Variants in KCNH5 observed in about 807,000 individuals in gnomAD.
KCNH5 encodes the protein voltage-gated delayed rectifier potassium channel KCNH5.
A neutral mutation model predicts 96.1 loss-of-function variants in KCNH5; 46 were observed. The observed-to-expected ratio is 0.48, with a 90% CI of 0.38 to 0.61. The LOEUF is 0.61. Among genes scored for constraint, KCNH5 ranks in the 20% least tolerant of loss-of-function variants. The probability of loss-of-function intolerance (pLI) is 0.00; values close to 1 mark genes in which losing one functional copy is unlikely to be tolerated. For synonymous variants in KCNH5, 439 were observed against 449.8 expected, an observed-to-expected ratio of 0.98 and a Z score of 0.30; for missense variants, 907 against 1,225.8, an observed-to-expected ratio of 0.74 and a Z score of 3.88.
intron 7 of KCNH5, among the ~76,000 whole-genome samples, chr14:62,922,987 TAA>T (rs1358598275): frequency 1.3e-5 from 2 of 151,832 alleles, no homozygotes; most frequent in African/African-American, 2.4e-5. Context: ...AAGGAAACAG[TAA>T]AAGTGTCTCT....
intron 5 of KCNH5, among the ~76,000 whole-genome samples, chr14:62,984,450 T>C (rs899839319): frequency 1.7e-4 from 26 of 152,202 alleles, no homozygotes; most frequent in African/African-American, 6.3e-4. Context: ...TTTATCTGTC[T>C]TTGAAAAAGT....
intron 10 of KCNH5, among the ~76,000 whole-genome samples, chr14:62,736,454 C>T (rs1254481102): frequency 1.3e-5 from 2 of 152,024 alleles, no homozygotes; most frequent in African/African-American, 4.8e-5. Flanking sequence ...CTAAGGTCAG[C>T]ATGACCATAA....
chr14:62,925,730 C>T (rs1889462701), intron 7 of KCNH5, among the ~76,000 whole-genome samples: 1 of 152,028 alleles, frequency 6.6e-6, no homozygotes, highest in Non-Finnish European at 1.5e-5. Context: ...CATAAGACCA[C>T]AATAAAGCTT....
At chr14:62,983,680 C>A (rs1191293540) in intron 5 of KCNH5, among the ~76,000 whole-genome samples, 2 of 152,090 alleles carry the variant, frequency 1.3e-5, no homozygotes, top group Admixed American at 6.6e-5. Context: ...AGTCTTAAAC[C>A]TGGCTATATA....
At chr14:62,765,159 T>A (rs994432581) in intron 10 of KCNH5, among the ~76,000 whole-genome samples, 20 of 152,170 alleles carry the variant, frequency 1.3e-4, no homozygotes, top group African/African-American at 4.6e-4. Context: ...AGCATTGTAC[T>A]GGTACAAAAA....
At chr14:62,914,390 TAAATA>T (rs575666281) in intron 7 of KCNH5, among the ~76,000 whole-genome samples, 15 of 152,224 alleles carry the variant, frequency 9.9e-5, no homozygotes, top group Non-Finnish European at 1.5e-4. Flanking sequence ...CAGAATAAAT[TAAATA>T]AAACTGTACT....
intron 7 of KCNH5, among the ~76,000 whole-genome samples, chr14:62,899,796 T>A (rs950789990): frequency 1.3e-5 from 2 of 148,318 alleles, no homozygotes; most frequent in Non-Finnish European, 3.0e-5. Context: ...ATCCCGCCAC[T>A]GCACTCCAGC....
At chr14:62,781,582 G>A (rs36107257) in intron 9 of KCNH5, among the ~76,000 whole-genome samples, 12,242 of 152,156 alleles carry the variant, frequency 0.08, 585 homozygotes, top group Non-Finnish European at 0.11. Context: ...CGCCAGGTGC[G>A]CATTCTCTTT....
intron 7 of KCNH5, among the ~76,000 whole-genome samples, chr14:62,901,846 C>G (rs1034762162): frequency 4.6e-5 from 7 of 152,198 alleles, no homozygotes; most frequent in Non-Finnish European, 8.8e-5. Flanking sequence ...TTCCAATCAA[C>G]AATGTATATG....
chr14:62,911,105 A>G (rs530730583), intron 7 of KCNH5, among the ~76,000 whole-genome samples: 5 of 152,260 alleles, frequency 3.3e-5, no homozygotes, highest in South Asian at 4.1e-4. Context: ...TAACACCTAG[A>G]ACAGTACTCT....
rs558911843 is a variant in KCNH5, at chr14:62,700,134, G to A, written c.*7374C>T. ...TGTAGTATACAAAATGCCACAACTA[G>A]TGTAAACAAAGTCACTAGAACATAG... On this transcript the variant is annotated 3_prime_UTR_variant, in exon 11 of 11. Coordinates refer to ENST00000322893, the MANE Select transcript of KCNH5 (RefSeq NM_139318.5). 2 of 152,290 alleles carry A rather than the reference G, an allele frequency of 1.3e-5. No homozygotes were observed. The highest frequency in any genetic ancestry group is 4.8e-5 in the African/African-American group (2 of 41,570). 9.4% of individuals were successfully genotyped at this position (152,290 alleles called of 1,614,324 possible). A position where few individuals can be genotyped will look rare whatever the true frequency, so the allele number is the denominator to read the frequency against.
At chr14:62,859,664 C>G (rs937491782) in intron 7 of KCNH5, among the ~76,000 whole-genome samples, 3 of 152,198 alleles carry the variant, frequency 2.0e-5, no homozygotes, top group African/African-American at 7.2e-5. Flanking sequence ...GCGCATCTGG[C>G]CATTTCTCCT....
At chr14:62,972,890 T>C (rs1366264730) in intron 6 of KCNH5, among the ~76,000 whole-genome samples, 1 of 152,196 alleles carries the variant, frequency 6.6e-6, no homozygotes, top group East Asian at 1.9e-4. Context: ...GAAAAAAATT[T>C]TAAGACAGTA....
intron 7 of KCNH5, among the ~76,000 whole-genome samples, chr14:62,909,172 A>C (rs1364820220): frequency 1.4e-5 from 2 of 146,702 alleles, no homozygotes; most frequent in African/African-American, 2.5e-5. Context: ...CAGCCTCCCA[A>C]GTAGCTGGGA....
At position 62,987,120 on chromosome 14, in the gene KCNH5, C is replaced by T. The variant is rs200714977; in HGVS notation, c.501G>A (p.Thr167=). The T allele has an allele frequency of 6.2e-5, 100 of 1,613,544 alleles. No individual in the cohort carries two copies. In the Admixed American group the frequency reaches 7.3e-4, roughly 12 times the overall value. ...TNSRSVLQQL[T]PMNKTEVVHK... ...GGACCACCTCTGTTTTATTCATTGG[C>T]GTGAGCTGCTGCAAAACACTTCGGC... The change falls in exon 5 of 11, where the codon ACG becomes ACA. Residue 167 remains threonine (T), a synonymous_variant. Transcript: ENST00000322893.
At chr14:62,826,408 ATGTGTGTGTG>A (rs71451280) in intron 8 of KCNH5, among the ~76,000 whole-genome samples, 20 of 141,984 alleles carry the variant, frequency 1.4e-4, no homozygotes, top group African/African-American at 5.0e-4. Flanking sequence ...GCGTGCGTGC[ATGTGTGTGTG>A]TGTGTGTGTG....
chr14:62,771,113 A>T (rs1885976667), intron 10 of KCNH5, among the ~76,000 whole-genome samples: 1 of 151,524 alleles, frequency 6.6e-6, no homozygotes, highest in African/African-American at 2.4e-5. Context: ...GTGGCAACCC[A>T]AGGAGAGAAA....
intron 10 of KCNH5, among the ~76,000 whole-genome samples, chr14:62,741,533 C>T (rs1885271058): frequency 2.0e-5 from 3 of 151,974 alleles, no homozygotes; most frequent in Admixed American, 1.3e-4. Flanking sequence ...CAGTGGCTGA[C>T]GTTTGGTCCC....
intron 10 of KCNH5, among the ~76,000 whole-genome samples, chr14:62,735,881 G>A (rs1438559242): frequency 6.6e-6 from 1 of 152,218 alleles, no homozygotes; most frequent in South Asian, 2.1e-4. Context: ...ATGACATGAA[G>A]ACACATAGTG....
Sources: allele counts gnomAD v4.1 joint callset (sites outside exome capture counted in the v4.1 genomes callset), GRCh38; gene constraint gnomAD v4.1.1; transcripts MANE v1.5; gene names NCBI Gene and HGNC (gene_info 2026-07-23, HGNC 2026-07-21).